The following CACNA1S variants were observed in gnomAD, a reference collection of about 807,000 sequenced individuals.
CACNA1S encodes voltage-dependent L-type calcium channel subunit alpha-1S.
In CACNA1S, 126 loss-of-function variants were observed where a neutral mutation model predicts 207.4. The ratio of observed to expected loss-of-function variants is 0.61; its 90% CI spans 0.53 to 0.70. CACNA1S has a LOEUF of 0.70. Ranked by LOEUF, CACNA1S falls within the 30% of genes least tolerant of loss-of-function variation. The pLI is 0.00. For synonymous variants in CACNA1S, 960 were observed against 932.7 expected, an observed-to-expected ratio of 1.03 and a Z score of -0.53; for missense variants, 2,349 against 2,422.8, an observed-to-expected ratio of 0.97 and a Z score of 0.64.
chr1:201,067,437 C>G (rs895389837), intron 19 of CACNA1S, among the ~76,000 whole-genome samples: 1 of 152,222 alleles, frequency 6.6e-6, no homozygotes, highest in Non-Finnish European at 1.5e-5. Flanking sequence ...CTCTCCACCT[C>G]CTTCCCATCA....
chr1:201,102,232 G>A (rs1173594171), intron 2 of CACNA1S, among the ~76,000 whole-genome samples: 1 of 152,142 alleles, frequency 6.6e-6, no homozygotes, highest in South Asian at 2.1e-4. Flanking sequence ...GCTCCAGACT[G>A]GGCAGGGAAA....
At chr1:201,110,315 A>G (rs781627624) in intron 1 of CACNA1S, 46 bp from the exon 2 acceptor site, 2 of 1,558,792 alleles carry the variant, frequency 1.3e-6, no homozygotes, top group Admixed American at 3.3e-5. Flanking sequence ...CAAGGGACTT[A>G]CAGGGTTAAG....
At position 201,089,341 on chromosome 1, in the gene CACNA1S, T is replaced by A. The variant is rs780357055; in HGVS notation, c.817A>T (p.Thr273Ser). ...GGWPGPNHGI[T>S]HFDNFGFSML... ...GAGAAGCCGAAGTTGTCGAAGTGGGTGATGCCATGGTTGGGCCCTGGCCAG... is the reference window on the plus strand; with the variant it reads ...GAGAAGCCGAAGTTGTCGAAGTGGGAGATGCCATGGTTGGGCCCTGGCCAG... Residue 273 changes from threonine to serine, a missense_variant, in exon 6 of 44, where the codon ACC (threonine) becomes TCC (serine). Transcript: ENST00000362061. 2.5e-6 allele frequency: 4 copies of A among 1,614,208 alleles called. No individual in the cohort carries two copies. In the East Asian group the frequency reaches 6.7e-5, roughly 27 times the overall value.
rs1558048886 is a variant in CACNA1S, at chr1:201,040,636, G to A, written c.5212C>T (p.Pro1738Ser). 1 of 1,613,936 alleles carries A rather than the reference G, an allele frequency of 6.2e-7. No individual in the cohort carries two copies. Among genetic ancestry groups the A allele is most frequent in the Non-Finnish European group, 8.5e-7 (1 of 1,179,930 alleles). Residue 1738 changes from proline (P) to serine (S), a missense_variant, in exon 42 of 44, where the codon CCT becomes TCT. Coordinates refer to ENST00000362061, the MANE Select transcript of CACNA1S (RefSeq NM_000069.3). ...QRAMPRGQAP[P>S]APCQCPRVES... is the part of the protein sequence containing the mutation. Reference sequence around the variant, plus strand: ...GCCACTGTTACCTGGCAGGGGGCAGGAGGTGCCTGGCCTCTGGGCATTGCC... The same window carrying A: ...GCCACTGTTACCTGGCAGGGGGCAGAAGGTGCCTGGCCTCTGGGCATTGCC...
rs555334257 is a variant in CACNA1S at position 201,091,992 on chromosome 1, C to T, written c.521G>A (p.Arg174Gln). 40 of 1,614,018 alleles carry T rather than the reference C, an allele frequency of 2.5e-5. No homozygotes were observed. The highest frequency in any genetic ancestry group is 3.2e-5 in the Non-Finnish European group (38 of 1,180,018). The change falls in exon 4 of 44, where the codon CGG becomes CAG. Residue 174 changes from arginine (R) to glutamine (Q), a missense_variant. By Grantham distance (43) the Arg-to-Gln change is conservative. Coordinates refer to ENST00000362061, the MANE Select transcript of CACNA1S (RefSeq NM_000069.3). ...CCCACTAGGCACCCCCGACACCAGC[C>T]GGAGGGGTCTGAGCACTCGGAAGGC... The part of the protein sequence containing the change: ...LRAFRVLRPL[R>Q]LVSGVPSLQV...
At chr1:201,104,561 T>A (rs1285832737) in intron 2 of CACNA1S, among the ~76,000 whole-genome samples, 47 of 152,252 alleles carry the variant, frequency 3.1e-4, no homozygotes, top group Admixed American at 3.1e-3. Context: ...GTGTCATAAC[T>A]TCTGCTGCTC....
At chr1:201,069,677 G>A (rs529314029) in intron 17 of CACNA1S, 76 bp from the exon 18 acceptor site, 83 of 1,509,052 alleles carry the variant, frequency 5.5e-5, no homozygotes, top group Non-Finnish European at 6.5e-5. Flanking sequence ...TCCATCCTGC[G>A]GACGAACATG....
At position 201,048,698 on chromosome 1, in the gene CACNA1S, C is replaced by A; in HGVS notation, c.4339-14G>T. On this transcript the variant is annotated splice_polypyrimidine_tract_variant and intron_variant, in intron 35 of 43. Transcript: ENST00000362061. ...GCCCACCAGCCGCTGTACAGGGAGA[C>A]GCAGTGGCCTGCCGCTGAGCTGGGA... 1.9e-6 allele frequency: 3 copies of A among 1,607,148 alleles called. No individual in the cohort carries two copies. Among genetic ancestry groups the A allele is most frequent in the Non-Finnish European group, 2.6e-6 (3 of 1,174,498 alleles).
chr1:201,110,304 G>A lies in CACNA1S; in HGVS notation c.153-35C>T, dbSNP rs747547998. ...GGGTTAAGGAGAGCCCTCGAGTGAG[G>A]CAAGGGACTTACAGGGTTAAGGGGA... is the stretch of plus-strand genomic sequence containing the variant. On this transcript the variant is annotated intron_variant, in intron 1 of 43. Transcript: ENST00000362061. 1.8e-5 allele frequency: 28 copies of A among 1,580,100 alleles called. No individual in the cohort carries two copies. In the South Asian group the frequency reaches 2.1e-4, roughly 12 times the overall value.
In CACNA1S at chr1:201,045,658, C is replaced by T. The variant is rs10920101; in HGVS notation, c.4669-1202G>A. Among the ~76,000 whole-genome samples the T allele has an allele frequency of 8.7e-3, 1,308 of 150,778 alleles. 25 individuals carry two copies. The highest frequency in any genetic ancestry group is 0.03 in the African/African-American group (1,214 of 40,944). The stretch of plus-strand genomic sequence containing the variant: ...GCTGAGGCATGAGAATGGCTTGAAC[C>T]CGGGAGGCAGAGGTCGCAGTGAGCC... On this transcript the variant is annotated intron_variant, in intron 38 of 43. Transcript: ENST00000362061.
Position 201,060,855 on chromosome 1 carries a change from C to G in CACNA1S, c.3256-39G>C, listed in dbSNP as rs369247530. On this transcript the variant is annotated intron_variant, in intron 25 of 43. Coordinates refer to ENST00000362061, the MANE Select transcript of CACNA1S (RefSeq NM_000069.3). ...AACAGGACAGGTCAGCACCAAGAGGCCCCTCCCTCCCTCTCCACACCCACA... is the reference window on the plus strand; with the variant it reads ...AACAGGACAGGTCAGCACCAAGAGGGCCCTCCCTCCCTCTCCACACCCACA... The G allele has an allele frequency of 6.2e-6, 10 of 1,612,254 alleles. No homozygotes were observed. In the African/African-American group the frequency reaches 1.3e-4, roughly 22 times the overall value.
chr1:201,042,997 G>A (rs1481507195), intron 40 of CACNA1S: 1 of 421,862 alleles, frequency 2.4e-6, no homozygotes, highest in East Asian at 5.3e-5. Context: ...CCTATCATGT[G>A]TTCAATACGT....
chr1:201,098,884 G>T (rs1214996454), intron 2 of CACNA1S, among the ~76,000 whole-genome samples: 1 of 152,188 alleles, frequency 6.6e-6, no homozygotes, highest in Non-Finnish European at 1.5e-5. Context: ...TCCTTCCATA[G>T]ACAAGCCTCT....
chr1:201,051,033 T>C lies in CACNA1S; in HGVS notation c.4064A>G (p.Asn1355Ser). Residue 1355 changes from asparagine (N) to serine (S), a missense_variant, in exon 33 of 44, where the codon AAC becomes AGC. Asn to Ser is a conservative substitution (Grantham distance 46). Coordinates refer to ENST00000362061, the MANE Select transcript of CACNA1S (RefSeq NM_000069.3). ...GCTGATGAAGTAGTAGTATGCAAAG[T>C]TGGTGCCACATGTGTACTCCTCCCC... ...APGEEYTCGT[N>S]FAYYYFISFY... The C allele has an allele frequency of 9.9e-6, 16 of 1,614,202 alleles. No individual in the cohort carries two copies. The highest frequency in any genetic ancestry group is 1.3e-5 in the Non-Finnish European group (15 of 1,180,028).
rs977571700 is a variant in CACNA1S at position 201,083,081 on chromosome 1, C to A, written c.1393+81G>T. On this transcript the variant is annotated intron_variant, in intron 10 of 43. Coordinates refer to ENST00000362061, the MANE Select transcript of CACNA1S (RefSeq NM_000069.3). ...TATCTAATTGACCTCTTCTGCACAA[C>A]CTGTGGTGCCATTGGCTGATTTTGA... 4.8e-6 allele frequency: 7 copies of A among 1,472,918 alleles called. No homozygotes were observed. The East Asian group carries it at 1.4e-4, about 29-fold the overall frequency. 91.2% of individuals were successfully genotyped at this position (1,472,918 alleles called of 1,614,324 possible). A position where few individuals can be genotyped will look rare whatever the true frequency, so the allele number is the denominator to read the frequency against.
At position 201,040,630 on chromosome 1, in the gene CACNA1S, G is replaced by A; in HGVS notation, c.5218C>T (p.Pro1740Ser). Residue 1740 changes from proline (P) to serine (S), a missense_variant, in exon 42 of 44, where the codon CCC becomes TCC. Transcript: ENST00000362061. ...GCCTCTGCCACTGTTACCTGGCAGG[G>A]GGCAGGAGGTGCCTGGCCTCTGGGC... The part of the protein sequence containing the change: ...AMPRGQAPPA[P>S]CQCPRVESSM... 1.9e-6 allele frequency: 3 copies of A among 1,613,824 alleles called. No individual in the cohort carries two copies. The highest frequency in any genetic ancestry group is 2.5e-6 in the Non-Finnish European group (3 of 1,179,804).
chr1:201,069,048 T>G (rs1572042046), intron 19 of CACNA1S, 89 bp downstream of exon 19: 1 of 1,186,254 alleles, frequency 8.4e-7, no homozygotes, highest in East Asian at 2.4e-5. Flanking sequence ...TCTTTTCTGC[T>G]TCTCTCCAGC....
At chr1:201,046,230 A>G (rs957912194) in intron 38 of CACNA1S, among the ~76,000 whole-genome samples, 20 of 151,960 alleles carry the variant, frequency 1.3e-4, no homozygotes, top group Admixed American at 3.3e-4. Flanking sequence ...CACCCTTGCT[A>G]GAGTGCAGTG....
At chr1:201,077,472 T>A (rs1009091987) in intron 11 of CACNA1S, among the ~76,000 whole-genome samples, 4 of 152,176 alleles carry the variant, frequency 2.6e-5, no homozygotes, top group African/African-American at 7.2e-5. Context: ...GGATAAATAG[T>A]GCAAGCAGAT....
Sources: allele counts gnomAD v4.1 joint callset (sites outside exome capture counted in the v4.1 genomes callset), GRCh38; gene constraint gnomAD v4.1.1; transcripts MANE v1.5; gene names NCBI Gene and HGNC (gene_info 2026-07-23, HGNC 2026-07-21).